The following CAPRIN2 variants were observed in gnomAD, a reference collection of about 807,000 sequenced individuals.
CAPRIN2 encodes the protein caprin family member 2.
A neutral mutation model predicts 130.4 loss-of-function variants in CAPRIN2; 66 were observed. The ratio of observed to expected loss-of-function variants is 0.51; its 90% CI spans 0.42 to 0.62. The LOEUF (loss-of-function observed/expected upper bound fraction) is 0.62, where lower values mean the gene tolerates loss of function less well. Ranked by LOEUF, CAPRIN2 falls within the 20% of genes least tolerant of loss-of-function variation. The pLI, the probability that CAPRIN2 is intolerant of heterozygous loss-of-function variation, is 0.00. For synonymous variants in CAPRIN2, 471 were observed against 444.1 expected, an observed-to-expected ratio of 1.06 and a Z score of -0.76; for missense variants, 1,185 against 1,246.6, an observed-to-expected ratio of 0.95 and a Z score of 0.74.
intron 4 of CAPRIN2, 65 bp downstream of exon 5, chr12:30,734,901 TAC>T: frequency 1.1e-6 from 1 of 912,580 alleles, no homozygotes; most frequent in Non-Finnish European, 1.8e-6. Context: ...CTCTCTCACA[TAC>T]ACACACCCCT....
chr12:30,753,350 T>C, exon 1 of CAPRIN2: 1 of 1,602,732 alleles, frequency 6.2e-7, no homozygotes, highest in Non-Finnish European at 8.5e-7. Flanking sequence ...TTACCTTCTT[T>C]TTCTCGATGT....
chr12:30,731,416 T>C, exon 6 of CAPRIN2: 1 of 1,613,098 alleles, frequency 6.2e-7, no homozygotes, highest in Non-Finnish European at 8.5e-7. Flanking sequence ...CTTCCTCCAG[T>C]GGTACTTCCT....
intron 8 of CAPRIN2, chr12:30,728,398 CA>C: frequency 3.0e-5 from 11 of 363,478 alleles, no homozygotes; most frequent in South Asian, 4.6e-5. Context: ...ACTAAAAATA[CA>C]AAAAAATTAG....
rs2073808267 is a variant in CAPRIN2, at chr12:30,751,437, T to C, written c.421-304A>G. On this transcript the variant is annotated intron_variant, in intron 1 of 16. Transcript: ENST00000298892. ...GGGGACTTACCTACTAAATCATGTG[T>C]CCCCAACACAGTAGCTTCTCAACAG... 1.4e-5 allele frequency: 4 copies of C among 278,212 alleles called. No homozygotes were observed. The South Asian group carries it at 1.8e-4, about 13-fold the overall frequency. 17.2% of individuals were successfully genotyped at this position (278,212 alleles called of 1,614,324 possible). A position where few individuals can be genotyped will look rare whatever the true frequency, so the allele number is the denominator to read the frequency against.
chr12:30,732,768 C>T (rs374906352), intron 5 of CAPRIN2, among the ~76,000 whole-genome samples: 1 of 151,962 alleles, frequency 6.6e-6, no homozygotes, highest in African/African-American at 2.4e-5. Flanking sequence ...CATGGGTATA[C>T]CACATTTTAT....
intron 7 of CAPRIN2, 72 bp downstream of exon 8, chr12:30,730,167 T>C (rs927932543): frequency 7.0e-6 from 9 of 1,286,664 alleles, no homozygotes; most frequent in South Asian, 1.2e-5. Context: ...CTCCAGAGCC[T>C]TAGCTTCCAA....
intron 8 of CAPRIN2, among the ~76,000 whole-genome samples, chr12:30,726,757 C>T (rs781502863): frequency 9.2e-5 from 14 of 152,042 alleles, no homozygotes; most frequent in Non-Finnish European, 1.2e-4. Context: ...GTCAAAGGTA[C>T]CAGATAAAAT....
intron 5 of CAPRIN2, among the ~76,000 whole-genome samples, chr12:30,733,394 A>G (rs1178207528): frequency 6.6e-6 from 1 of 152,146 alleles, no homozygotes; most frequent in Admixed American, 6.5e-5. Flanking sequence ...TCTATTTCCA[A>G]ATCATATCAA....
chr12:30,723,549 T>C (rs1303737110), intron 10 of CAPRIN2, among the ~76,000 whole-genome samples: 1 of 152,148 alleles, frequency 6.6e-6, no homozygotes, highest in East Asian at 1.9e-4. Flanking sequence ...TGGACAAAAG[T>C]AGCATTTCAA....
chr12:30,751,296 C>A, intron 1 of CAPRIN2, 163 bp from the exon 3 acceptor site: 1 of 613,618 alleles, frequency 1.6e-6, no homozygotes, highest in South Asian at 1.9e-5. Flanking sequence ...TAGATGAGTT[C>A]CAGTCAGGGG....
chr12:30,745,130 T>C (rs1393239882), intron 2 of CAPRIN2, among the ~76,000 whole-genome samples: 1 of 152,182 alleles, frequency 6.6e-6, no homozygotes, highest in Non-Finnish European at 1.5e-5. Context: ...TACAGATGTA[T>C]TAAATGTAAC....
intron 7 of CAPRIN2, among the ~76,000 whole-genome samples, chr12:30,729,904 G>A (rs1215631177): frequency 6.6e-6 from 1 of 152,128 alleles, no homozygotes; most frequent in Non-Finnish European, 1.5e-5. Context: ...GCAAAGTCCT[G>A]CGCATCTTAA....
rs895488770 is a variant in CAPRIN2, at chr12:30,738,976, A to G, written c.570+2044T>C. On this transcript the variant is annotated intron_variant, in intron 3 of 16. Transcript: ENST00000298892. ...GATGAGAGTGTAAATTAGGTCAACC[A>G]TTGTGGAAAGCAGTGTGGCAATTCC... 2.6e-4 allele frequency among the ~76,000 whole-genome samples: 39 copies of G among 152,260 alleles called. 1 individual carries two copies.
At chr12:30,712,710 T>C (rs527429277) in intron 15 of CAPRIN2, among the ~76,000 whole-genome samples, 27 of 150,220 alleles carry the variant, frequency 1.8e-4, no homozygotes, top group African/African-American at 6.4e-4. Context: ...CCAAGGCATT[T>C]AGATTCCAAG....
intron 8 of CAPRIN2, 65 bp from the exon 10 acceptor site, chr12:30,726,153 G>GTTTATCA (rs1251757825): frequency 7.8e-7 from 1 of 1,282,354 alleles, no homozygotes; most frequent in African/African-American, 1.5e-5. Flanking sequence ...CTAGGAAACA[G>GTTTATCA]TTTATCACTA....
chr12:30,748,393 A>G (rs2071814423), intron 2 of CAPRIN2, among the ~76,000 whole-genome samples: 1 of 152,256 alleles, frequency 6.6e-6, no homozygotes, highest in African/African-American at 2.4e-5. Context: ...CAGCAAAAAG[A>G]TTACAACTCA....
chr12:30,720,658 T>C (rs577817062), intron 12 of CAPRIN2, 153 bp downstream of exon 13: 28 of 556,272 alleles, frequency 5.0e-5, no homozygotes, highest in African/African-American at 4.3e-4. Context: ...AAGTTACCTG[T>C]AAAAGTTCCA....
chr12:30,754,039 C>T, exon 1 of CAPRIN2: 1 of 359,714 alleles, frequency 2.8e-6, no homozygotes, highest in South Asian at 6.2e-5. Context: ...CCAGCCCTAA[C>T]CTCAATCCTG....
chr12:30,751,391 T>C, intron 1 of CAPRIN2: 1 of 412,276 alleles, frequency 2.4e-6, no homozygotes, highest in Non-Finnish European at 4.5e-6. Flanking sequence ...ACTCTATTAA[T>C]AACTAGACTA....
Sources: gnomAD v4.1 joint callset for allele counts (sites outside exome capture counted in the v4.1 genomes callset) on GRCh38, gnomAD v4.1.1 for gene constraint, MANE v1.5 for transcripts, NCBI Gene and HGNC (gene_info 2026-07-23, HGNC 2026-07-21) for gene names.